The following RASGRP3 variants were observed in gnomAD, a reference collection of about 807,000 sequenced individuals.
RASGRP3 encodes the protein RAS guanyl releasing protein 3.
In RASGRP3, 54 loss-of-function variants were observed where a neutral mutation model predicts 82.7. The observed-to-expected ratio is 0.65, with a 90% CI of 0.52 to 0.82. RASGRP3 has a LOEUF of 0.82. Ranked by LOEUF, RASGRP3 falls within the 40% of genes least tolerant of loss-of-function variation. The probability of loss-of-function intolerance (pLI) is 0.00; values close to 1 mark genes in which losing one functional copy is unlikely to be tolerated. For missense variants in RASGRP3, 861 were observed against 828.9 expected (o/e 1.04, Z -0.48); for synonymous variants, 309 against 300.5 (o/e 1.03, Z -0.29).
chr2:33,536,028 C>A (rs938323734), intron 11 of RASGRP3, among the ~76,000 whole-genome samples: 3 of 152,022 alleles, frequency 2.0e-5, no homozygotes, highest in Admixed American at 1.3e-4. Flanking sequence ...CTGGGCCAGG[C>A]ACAGTGGCTC....
intron 2 of RASGRP3, among the ~76,000 whole-genome samples, chr2:33,450,687 G>A (rs533314462): frequency 6.6e-6 from 1 of 152,074 alleles, no homozygotes; most frequent in South Asian, 2.1e-4. Context: ...AACATGGAGT[G>A]TAGGTATCTC....
upstream of RASGRP3, among the ~76,000 whole-genome samples, chr2:33,475,458 T>C (rs1480156838): frequency 1.3e-5 from 2 of 152,206 alleles, no homozygotes; most frequent in Non-Finnish European, 2.9e-5. Context: ...TAAGATATTA[T>C]GTGTTAAAAA....
chr2:33,540,150 T>C (rs1401422270), intron 12 of RASGRP3: 1 of 152,508 alleles, frequency 6.6e-6, no homozygotes, highest in Non-Finnish European at 1.5e-5. Flanking sequence ...GTCTTTGGGA[T>C]AGAATGTGCT....
At chr2:33,501,391 C>G (rs34160168) in intron 1 of RASGRP3, among the ~76,000 whole-genome samples, 12,371 of 152,178 alleles carry the variant, frequency 0.081, 549 homozygotes, top group East Asian at 0.11. Context: ...GAACATTTTT[C>G]AATTCTCTTG....
intron 2 of RASGRP3, among the ~76,000 whole-genome samples, chr2:33,464,514 C>A (rs1025447361): frequency 6.8e-6 from 1 of 147,706 alleles, no homozygotes; most frequent in African/African-American, 2.5e-5. Context: ...TGCTCTGTCG[C>A]CCAGGCTGGA....
At chr2:33,465,921 TAGCCTGGTATAC>T (rs904016224) in intron 2 of RASGRP3, among the ~76,000 whole-genome samples, 2 of 149,556 alleles carry the variant, frequency 1.3e-5, no homozygotes, top group African/African-American at 4.9e-5. Flanking sequence ...CATTTGTTTA[TAGCCTGGTATAC>T]TGAATATTTT....
intron 2 of RASGRP3, among the ~76,000 whole-genome samples, chr2:33,467,984 CT>C (rs1404641598): frequency 7.7e-5 from 1 of 12,968 alleles, no homozygotes; most frequent in African/African-American, 3.0e-4. Context: ...GAGGCTTTTT[CT>C]TTCTTTCTTT....
chr2:33,542,364 A>G (rs1674358003), intron 12 of RASGRP3, among the ~76,000 whole-genome samples: 1 of 146,646 alleles, frequency 6.8e-6, no homozygotes, highest in Non-Finnish European at 1.5e-5. Context: ...CTGAAAGGGC[A>G]TGTTCCCCCT....
intron 11 of RASGRP3, among the ~76,000 whole-genome samples, chr2:33,537,367 AT>A (rs57857739): frequency 2.7e-4 from 35 of 131,564 alleles, no homozygotes; most frequent in East Asian, 1.3e-3. Context: ...TATAAATGTA[AT>A]TTTTTTTTTT....
At chr2:33,556,076 T>C (rs961218875) in intron 15 of RASGRP3, among the ~76,000 whole-genome samples, 22 of 152,186 alleles carry the variant, frequency 1.4e-4, no homozygotes, top group Admixed American at 2.6e-4. Flanking sequence ...TTATAAACAA[T>C]TGAATCAAAT....
At chr2:33,450,474 A>T (rs1665726304) in intron 2 of RASGRP3, among the ~76,000 whole-genome samples, 1 of 152,144 alleles carries the variant, frequency 6.6e-6, no homozygotes, top group Non-Finnish European at 1.5e-5. Flanking sequence ...GATCCTGCAG[A>T]ACTTGTCTTT....
intron 10 of RASGRP3, chr2:33,532,964 C>T (rs1389338672): frequency 3.9e-5 from 6 of 152,166 alleles, no homozygotes. Context: ...TTGAAAACAT[C>T]TTCGCCTCTG....
rs560041577 is a variant in RASGRP3, at chr2:33,520,484, G to A, written c.237-69G>A. 9.6e-4 allele frequency: 1,516 copies of A among 1,580,210 alleles called. 19 individuals carry two copies. In the South Asian group the frequency reaches 0.01, roughly 10 times the overall value. On this transcript the variant is annotated intron_variant, in intron 5 of 17. Transcript: ENST00000403687. ...TGGTGTTAAATGTAGTCTGTAAAAC[G>A]GTACAATCGTTTCCATAGATAACCA...
chr2:33,515,286 A>G (rs930117706), intron 3 of RASGRP3, 80 bp downstream of exon 3: 10 of 1,476,680 alleles, frequency 6.8e-6, no homozygotes, highest in Admixed American at 6.7e-5. Flanking sequence ...AGTTGCTTGT[A>G]GAACAGAGTT....
At chr2:33,513,640 C>T (rs1040376324) in intron 2 of RASGRP3, among the ~76,000 whole-genome samples, 2 of 152,224 alleles carry the variant, frequency 1.3e-5, no homozygotes, top group African/African-American at 4.8e-5. Flanking sequence ...CAGCCTCCCT[C>T]CTGCTCCAAG....
intron 2 of RASGRP3, among the ~76,000 whole-genome samples, chr2:33,459,245 C>T (rs1666217236): frequency 6.6e-6 from 1 of 152,136 alleles, no homozygotes; most frequent in South Asian, 2.1e-4. Flanking sequence ...AGCCATTCTC[C>T]TGCCTCAGCC....
At chr2:33,468,772 G>C (rs1359197722) in intron 2 of RASGRP3, among the ~76,000 whole-genome samples, 2 of 151,992 alleles carry the variant, frequency 1.3e-5, no homozygotes, top group Admixed American at 1.3e-4. Context: ...ACTACTTTTG[G>C]CACCTAGATG....
At chr2:33,538,781 A>G (rs999394963) in intron 11 of RASGRP3, among the ~76,000 whole-genome samples, 4 of 151,906 alleles carry the variant, frequency 2.6e-5, no homozygotes, top group South Asian at 4.2e-4. Flanking sequence ...GCTCATGCCT[A>G]TAATCCCGGC....
chr2:33,512,933 TTAAGTG>T (rs1671076218), intron 2 of RASGRP3, among the ~76,000 whole-genome samples: 1 of 152,162 alleles, frequency 6.6e-6, no homozygotes, highest in Non-Finnish European at 1.5e-5. Context: ...TCAGATGGTG[TTAAGTG>T]TAATGAAGAA....
Sources: gnomAD v4.1 joint callset for allele counts (sites outside exome capture counted in the v4.1 genomes callset) on GRCh38, gnomAD v4.1.1 for gene constraint, MANE v1.5 for transcripts, NCBI Gene and HGNC (gene_info 2026-07-23, HGNC 2026-07-21) for gene names.